Variants in COL28A1 observed in about 807,000 individuals in gnomAD.
The protein encoded by COL28A1 is collagen type XXVIII alpha 1 chain.
A neutral mutation model predicts 150.2 loss-of-function variants in COL28A1; 161 were observed. That is an observed-to-expected ratio of 1.07 (90% confidence interval 0.94 to 1.22). COL28A1 has a LOEUF of 1.22. Among genes scored for constraint, COL28A1 ranks in the 50% most tolerant of loss-of-function variants. The probability of loss-of-function intolerance (pLI) is 0.00; values close to 1 mark genes in which losing one functional copy is unlikely to be tolerated. For synonymous variants in COL28A1, 552 were observed against 469.7 expected (o/e 1.18, Z -2.26); for missense variants, 1,617 against 1,388.3 (o/e 1.16, Z -2.62).
chr7:7,369,217 C>T (rs1469789595), intron 33 of COL28A1, among the ~76,000 whole-genome samples: 3 of 152,144 alleles, frequency 2.0e-5, no homozygotes, highest in Non-Finnish European at 4.4e-5. Flanking sequence ...GCCCCAGTAG[C>T]GGTCCATGCT....
the COL28A1 span, among the ~76,000 whole-genome samples, chr7:7,541,738 G>C: frequency 2.0e-5 from 3 of 152,200 alleles, no homozygotes; most frequent in South Asian, 6.2e-4. Context: ...ATGAGGAGAC[G>C]AACGAAAGAG....
At chr7:7,505,763 A>G (rs1039697457) in intron 11 of COL28A1, among the ~76,000 whole-genome samples, 1 of 152,242 alleles carries the variant, frequency 6.6e-6, no homozygotes, top group African/African-American at 2.4e-5. Flanking sequence ...GAAACACAGC[A>G]AAGATTCTAG....
At chr7:7,517,491 A>G (rs964917483) in intron 7 of COL28A1, among the ~76,000 whole-genome samples, 2 of 152,162 alleles carry the variant, frequency 1.3e-5, no homozygotes, top group East Asian at 3.9e-4. Context: ...TCTTTATCTT[A>G]AAAAACTTAA....
chr7:7,400,789 C>G (rs1485112970), intron 27 of COL28A1, among the ~76,000 whole-genome samples: 1 of 151,710 alleles, frequency 6.6e-6, no homozygotes, highest in East Asian at 1.9e-4. Context: ...GTCTTCACTT[C>G]TTTCTTATCA....
At position 7,531,127 on chromosome 7, in the gene COL28A1, TA is replaced by T. The variant is rs552253483; in HGVS notation, c.681+220del. On this transcript the variant is annotated intron_variant, in intron 3 of 34. Coordinates refer to ENST00000399429, the MANE Select transcript of COL28A1 (RefSeq NM_001037763.3). The stretch of plus-strand genomic sequence containing the variant: ...CCTCAGCATCAGCTAGCAATAAAGT[TA>T]AAAATGCAATTCCAGGGAATTAGCC... 7.2e-5 allele frequency among the ~76,000 whole-genome samples: 11 copies of T among 152,272 alleles called. No homozygotes were observed. In the South Asian group the frequency reaches 1.9e-3, roughly 26 times the overall value.
Position 7,517,799 on chromosome 7 carries a change from T to TG in COL28A1, c.851dup (p.Gly285ArgfsTer9), listed in dbSNP as rs780178158. ...GGCATTCCAGTTGTGTACATACCCC[T>TG]GGACCTCTTTCTCCAGCTTCTCCTT... On this transcript the variant is annotated frameshift_variant, in exon 7 of 35. Coordinates refer to ENST00000399429, the MANE Select transcript of COL28A1 (RefSeq NM_001037763.3). LOFTEE classifies it high-confidence loss of function. 1.2e-6 allele frequency: 2 copies of TG among 1,613,660 alleles called. No individual in the cohort carries two copies. Among genetic ancestry groups the TG allele is most frequent in the African/African-American group, 2.7e-5 (2 of 74,896 alleles).
At chr7:7,534,762 T>C (rs1023223616) in intron 1 of COL28A1, among the ~76,000 whole-genome samples, 7 of 152,226 alleles carry the variant, frequency 4.6e-5, no homozygotes, top group African/African-American at 1.2e-4. Flanking sequence ...GATCCCTGTA[T>C]ATATGATATT....
chr7:7,416,833 C>T (rs1034994290), intron 27 of COL28A1, among the ~76,000 whole-genome samples: 1 of 152,126 alleles, frequency 6.6e-6, no homozygotes, highest in Non-Finnish European at 1.5e-5. Context: ...AGTTTAATTT[C>T]AACACAGGAT....
Position 7,373,423 on chromosome 7 carries a change from AC to A in COL28A1, c.2482del (p.Val828LeufsTer10). ...GCGGGCCGTGGCAAGGTCCAGAGCA[AC>A]CCGGTCAGCCATAGTCTTCACAAAA... ...KNFVKTMADRVALDLATARIG... is the reference protein window; with the variant it reads ...KNFVKTMADRXALDLATARIG... On this transcript the variant is annotated frameshift_variant, in exon 32 of 35. Coordinates refer to ENST00000399429, the MANE Select transcript of COL28A1 (RefSeq NM_001037763.3). LOFTEE classifies it high-confidence loss of function. This position sits in a 1 kb window ranked among gnomAD's most constrained non-coding sequence, Gnocchi z 4.1. 7 of 1,614,114 alleles carry A rather than the reference AC, an allele frequency of 4.3e-6. No homozygotes were observed. Among genetic ancestry groups the A allele is most frequent in the Non-Finnish European group, 5.9e-6 (7 of 1,180,022 alleles).
rs749955723 is a variant in COL28A1, at chr7:7,456,079, T to C, written c.1336A>G (p.Met446Val). 1.1e-5 allele frequency: 17 copies of C among 1,613,830 alleles called. No individual in the cohort carries two copies. Among genetic ancestry groups the C allele is most frequent in the South Asian group, 4.4e-5 (4 of 91,066 alleles). ...TGACTCCCGATTCCAGGGATACCCA[T>C]TGGTCCTTGGGGTCCCACAGGTCCT... Reference protein sequence around the residue: ...DIGPVGPQGPMGIPGIGSQGE... With the variant: ...DIGPVGPQGPVGIPGIGSQGE... The change falls in exon 16 of 35, where the codon ATG becomes GTG. Residue 446 changes from methionine to valine, a missense_variant. Met to Val is a conservative substitution (Grantham distance 21). Transcript: ENST00000399429.
In COL28A1 at chr7:7,447,512, C is replaced by T. The variant is rs377606396; in HGVS notation, c.1510-3023G>A. ...GCACTTTGTGTTGAGAAAAATCAAT[C>T]GATTGAAACTTATCCAGAAATAACA... On this transcript the variant is annotated intron_variant, in intron 18 of 34. Transcript: ENST00000399429. 2.0e-4 allele frequency among the ~76,000 whole-genome samples: 31 copies of T among 151,738 alleles called. No homozygotes were observed. In the East Asian group the frequency reaches 3.9e-3, roughly 19 times the overall value.
upstream of COL28A1, among the ~76,000 whole-genome samples, chr7:7,540,661 G>A (rs1323810123): frequency 2.0e-5 from 3 of 152,324 alleles, no homozygotes; most frequent in Middle Eastern, 0.01. Flanking sequence ...GGAGAAAAAG[G>A]AAGCTGTATG....
At chr7:7,406,688 C>T (rs73347189) in intron 27 of COL28A1, among the ~76,000 whole-genome samples, 26,052 of 151,766 alleles carry the variant, frequency 0.17, 2,307 homozygotes, top group East Asian at 0.22. Flanking sequence ...ATGTCAAATG[C>T]CAAGATAGAA....
At chr7:7,374,944 C>T (rs1781464021) in intron 31 of COL28A1, among the ~76,000 whole-genome samples, 1 of 152,166 alleles carries the variant, frequency 6.6e-6, no homozygotes, top group African/African-American at 2.4e-5. Context: ...CTAAGTCTAC[C>T]ATTCAGTCAT....
intron 15 of COL28A1, among the ~76,000 whole-genome samples, chr7:7,458,424 A>C (rs938107192): frequency 6.6e-6 from 1 of 152,126 alleles, no homozygotes; most frequent in Admixed American, 6.5e-5. Context: ...TCTCAAAAAA[A>C]AACAAAACAA....
intron 27 of COL28A1, among the ~76,000 whole-genome samples, chr7:7,405,974 A>C (rs937337931): frequency 6.6e-6 from 1 of 152,172 alleles, no homozygotes; most frequent in African/African-American, 2.4e-5. Context: ...CAACAGACAC[A>C]ATACCCTTAG....
intron 27 of COL28A1, among the ~76,000 whole-genome samples, chr7:7,390,567 G>T (rs1358068064): frequency 2.0e-5 from 3 of 152,136 alleles, no homozygotes; most frequent in Admixed American, 2.0e-4. Context: ...AGAAGACATG[G>T]TACCAGCTCC....
At chr7:7,532,095 C>G (rs1270111230) in intron 2 of COL28A1, among the ~76,000 whole-genome samples, 191 bp from the exon 3 acceptor site, 3 of 152,142 alleles carry the variant, frequency 2.0e-5, no homozygotes, top group African/African-American at 7.2e-5. Flanking sequence ...GAATTATTTT[C>G]TCCTTGTAAA....
chr7:7,368,389 G>GTTTTTTTTTTGTTT (rs34289231), intron 33 of COL28A1, among the ~76,000 whole-genome samples: 1 of 150,126 alleles, frequency 6.7e-6, no homozygotes. Flanking sequence ...TTTGCCTACT[G>GTTTTTTTTTTGTTT]TTTTTTTTGT....
Sources: gnomAD v4.1 joint callset for allele counts (sites outside exome capture counted in the v4.1 genomes callset) on GRCh38, gnomAD v4.1.1 for gene constraint, Gnocchi (gnomAD v3.1) non-coding constraint, MANE v1.5 for transcripts, NCBI Gene and HGNC (gene_info 2026-07-23, HGNC 2026-07-21) for gene names.